Variants in COL15A1 observed in about 807,000 individuals in gnomAD.
The protein encoded by COL15A1 is collagen type XV alpha 1 chain, also known as collagen alpha-1(XV) chain.
In COL15A1, 111 loss-of-function variants were observed where a neutral mutation model predicts 165.9. The observed-to-expected ratio is 0.67, with a 90% confidence interval of 0.57 to 0.78. COL15A1 has a LOEUF of 0.78. Ranked by LOEUF, COL15A1 falls within the 30% of genes least tolerant of loss-of-function variation. COL15A1 has a pLI of 0.00. For synonymous variants in COL15A1, 659 were observed against 674.8 expected, an observed-to-expected ratio of 0.98 and a Z score of 0.36; for missense variants, 1,745 against 1,789.7, an observed-to-expected ratio of 0.98 and a Z score of 0.45.
rs753282053 is a variant in COL15A1, at chr9:99,035,023, G to A, written c.2089G>A (p.Gly697Ser). The part of the protein sequence containing the change: ...NGSVGEKGDP[G>S]NRGLPGPPGK... ...GCCCTCTTTCCTACAGGGTGACCCT[G>A]GCAACAGAGGCTTACCTGGACCCCC... Residue 697 changes from glycine (G) to serine (S), a missense_variant, in exon 18 of 42, where the codon GGC becomes AGC. Transcript: ENST00000375001. 2.5e-6 allele frequency: 4 copies of A among 1,613,188 alleles called. No homozygotes were observed. The Admixed American group carries it at 5.0e-5, about 20-fold the overall frequency.
At position 99,004,992 on chromosome 9, in the gene COL15A1, C is replaced by T. The variant is rs750948894; in HGVS notation, c.1295C>T (p.Ala432Val). 2 of 1,613,736 alleles carry T rather than the reference C, an allele frequency of 1.2e-6. No individual in the cohort carries two copies. Among genetic ancestry groups the T allele is most frequent in the East Asian group, 2.2e-5 (1 of 44,852 alleles). The change falls in exon 9 of 42, where the codon GCC (alanine) becomes GTC (valine). Residue 432 changes from alanine to valine, a missense_variant. Ala to Val is a moderately conservative substitution (Grantham distance 64). Coordinates refer to ENST00000375001, the MANE Select transcript of COL15A1 (RefSeq NM_001855.5). Reference protein sequence around the residue: ...MPGEVEASGVAPGELDLSMSA... With the variant: ...MPGEVEASGVVPGELDLSMSA... ...GGGGAAGTGGAGGCCAGTGGTGTGG[C>T]CCCCGGGGAGCTGGACCTCTCCATG...
chr9:98,948,323 G>A (rs2118743230), intron 2 of COL15A1, among the ~76,000 whole-genome samples: 1 of 152,268 alleles, frequency 6.6e-6, no homozygotes, highest in South Asian at 2.1e-4. Flanking sequence ...TGTCGGCCGG[G>A]CGCGGTGGCT....
intron 14 of COL15A1, 41 bp from the exon 15 acceptor site, chr9:99,024,833 G>GTA (rs1284250021): frequency 6.3e-7 from 1 of 1,595,658 alleles, no homozygotes; most frequent in Non-Finnish European, 8.5e-7. Context: ...ATCTCATTCG[G>GTA]TATTCCCCCA....
At chr9:99,061,863 G>T in intron 36 of COL15A1, 108 bp from the exon 37 acceptor site, 1 of 1,180,648 alleles carries the variant, frequency 8.5e-7, no homozygotes. Context: ...CCTCTTTATT[G>T]AGTATCTGGG....
In COL15A1 at chr9:98,955,004, G is replaced by T. The variant is rs1485397230; in HGVS notation, c.100+10754G>T. Among the ~76,000 whole-genome samples the T allele has an allele frequency of 2.6e-5, 4 of 152,214 alleles. No individual in the cohort carries two copies. The East Asian group carries it at 7.7e-4, about 29-fold the overall frequency. ...GGTTTTTCAGGAAATTAGAATGTGA[G>T]AGCTCATGTCATGAGGACCTTGATG... On this transcript the variant is annotated intron_variant, in intron 2 of 41. Transcript: ENST00000375001.
intron 16 of COL15A1, among the ~76,000 whole-genome samples, chr9:99,028,015 T>C (rs1412694969): frequency 6.6e-6 from 1 of 152,194 alleles, no homozygotes; most frequent in African/African-American, 2.4e-5. Flanking sequence ...ATCAACAATA[T>C]CTGCCCTTCA....
rs1359751797 is a variant in COL15A1, at chr9:99,068,613, A to G, written c.3896A>G (p.Asn1299Ser). ...SIFSGHGGQF[N>S]MHIPIYSFDG... ...TTTTCTGGCCACGGAGGTCAGTTCA[A>G]TATGCATATTCCAATATACTCCTTT... Residue 1299 changes from asparagine (N) to serine (S), a missense_variant, in exon 41 of 42, where the codon AAT (asparagine) becomes AGT (serine). Transcript: ENST00000375001. 4.5e-6 allele frequency: 7 copies of G among 1,559,316 alleles called. No homozygotes were observed. Among genetic ancestry groups the G allele is most frequent in the Admixed American group, 2.2e-5 (1 of 46,174 alleles).
At chr9:98,996,085 A>G (rs560545034) in intron 5 of COL15A1, among the ~76,000 whole-genome samples, 1 of 152,370 alleles carries the variant, frequency 6.6e-6, no homozygotes, top group African/African-American at 2.4e-5. Context: ...ATTCTGAATT[A>G]AGGAAATAAC....
chr9:98,965,089 C>T (rs936783138), intron 2 of COL15A1, among the ~76,000 whole-genome samples: 1 of 152,120 alleles, frequency 6.6e-6, no homozygotes, highest in Non-Finnish European at 1.5e-5. Flanking sequence ...CAAACTATCG[C>T]CTTCGCACCA....
intron 9 of COL15A1, among the ~76,000 whole-genome samples, chr9:99,009,067 A>G (rs1439866727): frequency 6.6e-6 from 1 of 152,260 alleles, no homozygotes; most frequent in Non-Finnish European, 1.5e-5. Context: ...CATGTTATTC[A>G]TGAACATTTC....
At chr9:98,983,313 C>T (rs1838260034) in intron 2 of COL15A1, among the ~76,000 whole-genome samples, 1 of 152,160 alleles carries the variant, frequency 6.6e-6, no homozygotes, top group African/African-American at 2.4e-5. Context: ...TTGACTCCAT[C>T]CTTCTTGCTG....
At position 99,069,932 on chromosome 9, in the gene COL15A1, G is replaced by A. The variant is rs201461575; in HGVS notation, c.*46G>A. ...AAGAGTTTTCAATTTTTTCTTATGT[G>A]AAGAGTTGACACTGAAATCTAAAAT... On this transcript the variant is annotated 3_prime_UTR_variant, in exon 42 of 42. Coordinates refer to ENST00000375001, the MANE Select transcript of COL15A1 (RefSeq NM_001855.5). 477 of 1,466,506 alleles carry A rather than the reference G, an allele frequency of 3.3e-4. No homozygotes were observed. Among genetic ancestry groups the A allele is most frequent in the Non-Finnish European group, 3.5e-4 (374 of 1,064,786 alleles). The allele number at this position is 1,466,506 out of a possible 1,614,324, so 90.8% of individuals were successfully genotyped here. A position where few individuals can be genotyped will look rare whatever the true frequency, so the allele number is the denominator to read the frequency against.
chr9:99,028,949 A>G (rs1839173661), intron 16 of COL15A1, among the ~76,000 whole-genome samples: 1 of 152,254 alleles, frequency 6.6e-6, no homozygotes, highest in African/African-American at 2.4e-5. Flanking sequence ...TATTTTTCCC[A>G]AATCAAGATG....
chr9:98,962,537 C>T (rs899510120), intron 2 of COL15A1, among the ~76,000 whole-genome samples: 1 of 152,192 alleles, frequency 6.6e-6, no homozygotes, highest in Non-Finnish European at 1.5e-5. Context: ...AACACACACA[C>T]ATGTTTGGAG....
Position 99,015,970 on chromosome 9 carries a change from T to G in COL15A1, c.1504-6T>G, listed in dbSNP as rs749492597. Reference sequence around the variant, plus strand: ...GGTGGTGCCTTAATGCTGGTTTTGTTTTCAGGGTCCTGGTGATGAAGAAGA... The same window carrying G: ...GGTGGTGCCTTAATGCTGGTTTTGTGTTCAGGGTCCTGGTGATGAAGAAGA... On this transcript the variant is annotated splice_region_variant and splice_polypyrimidine_tract_variant and intron_variant, in intron 10 of 41. Transcript: ENST00000375001. 6.8e-6 allele frequency: 11 copies of G among 1,613,020 alleles called. No individual in the cohort carries two copies. In the South Asian group the frequency reaches 1.2e-4, roughly 18 times the overall value.
At chr9:98,957,469 T>C (rs1010757710) in intron 2 of COL15A1, among the ~76,000 whole-genome samples, 13 of 152,228 alleles carry the variant, frequency 8.5e-5, no homozygotes, top group African/African-American at 2.7e-4. Flanking sequence ...TAGTTTGTTA[T>C]AGCAGCATTG....
intron 16 of COL15A1, among the ~76,000 whole-genome samples, chr9:99,026,613 C>T (rs1839129761): frequency 6.6e-6 from 1 of 152,216 alleles, no homozygotes; most frequent in Non-Finnish European, 1.5e-5. Flanking sequence ...CTGGTTCTGC[C>T]CAAATGCTCT....
rs567342821 is a variant in COL15A1 at position 98,987,416 on chromosome 9, G to T, written c.723+48G>T. ...AGTGGGCCCTGCAACCCCAGCAGCC[G>T]CAGCCTGGGGAGGGCTGGATGCCCA... On this transcript the variant is annotated intron_variant, in intron 4 of 41. Transcript: ENST00000375001. 8.2e-5 allele frequency: 126 copies of T among 1,535,356 alleles called. No homozygotes were observed. In the South Asian group the frequency reaches 1.4e-3, roughly 17 times the overall value.
At chr9:98,952,494 T>C (rs1837704565) in intron 2 of COL15A1, among the ~76,000 whole-genome samples, 1 of 152,236 alleles carries the variant, frequency 6.6e-6, no homozygotes, top group Non-Finnish European at 1.5e-5. Context: ...AATATGTAAG[T>C]TGATTTTCCA....
Sources: gnomAD v4.1 joint callset for allele counts (sites outside exome capture counted in the v4.1 genomes callset) on GRCh38, gnomAD v4.1.1 for gene constraint, MANE v1.5 for transcripts, NCBI Gene and HGNC (gene_info 2026-07-23, HGNC 2026-07-21) for gene names.